The following SMTN variants were observed in gnomAD, a reference collection of about 807,000 sequenced individuals.
The protein encoded by SMTN is smoothelin.
SMTN carries 58 observed loss-of-function variants against 102.0 expected under a neutral mutation model. The observed-to-expected ratio is 0.57, with a 90% CI of 0.46 to 0.71. SMTN has a LOEUF of 0.71. Among genes scored for constraint, SMTN ranks in the 30% least tolerant of loss-of-function variants. The pLI is 0.00. For missense variants in SMTN, 1,185 were observed against 1,241.7 expected, an observed-to-expected ratio of 0.95 and a Z score of 0.69; for synonymous variants, 478 against 497.9, an observed-to-expected ratio of 0.96 and a Z score of 0.53.
intron 2 of SMTN, among the ~76,000 whole-genome samples, chr22:31,085,459 G>T (rs2042625244): frequency 6.6e-6 from 1 of 152,238 alleles, no homozygotes; most frequent in African/African-American, 2.4e-5. Context: ...CTGTTGGGGA[G>T]ACTGAGGCCC....
chr22:31,102,076 C>A (rs2044138446), intron 20 of SMTN: 1 of 152,114 alleles, frequency 6.6e-6, no homozygotes, highest in Non-Finnish European at 1.5e-5. Flanking sequence ...AGCTCAGGAG[C>A]AGGACCAGTT....
chr22:31,081,201 A>C (rs2042283694), upstream of SMTN: 1 of 151,858 alleles, frequency 6.6e-6, no homozygotes, highest in Non-Finnish European at 1.5e-5. Flanking sequence ...GTGGCCGTCA[A>C]ATTGAATTTT....
intron 2 of SMTN, among the ~76,000 whole-genome samples, chr22:31,084,402 C>T (rs2042522872): frequency 6.6e-6 from 1 of 152,240 alleles, no homozygotes; most frequent in Non-Finnish European, 1.5e-5. Flanking sequence ...CAGCTGCTGC[C>T]ATGACCTCCC....
At chr22:31,101,443 G>T (rs1430357718) in intron 20 of SMTN, 9 of 170,290 alleles carry the variant, frequency 5.3e-5, no homozygotes, top group Non-Finnish European at 1.1e-4. Context: ...ACATCAGGAA[G>T]GGAAGAAACT....
Position 31,088,028 on chromosome 22 carries a change from C to G in SMTN, c.115C>G (p.Arg39Gly). 1 of 1,611,946 alleles carries G rather than the reference C, an allele frequency of 6.2e-7. No homozygotes were observed. Among genetic ancestry groups the G allele is most frequent in the Non-Finnish European group, 8.5e-7 (1 of 1,178,832 alleles). ...CCGCTCAGCCATCCGGGAACTGCAG[C>G]GGCAGGAGCTGGAGCGCGAGGAGGA... ...RIRSAIRELQ[R>G]QELEREEEAL... The change falls in exon 3 of 21, where the codon CGG becomes GGG. Residue 39 changes from arginine to glycine, a missense_variant. Transcript: ENST00000333137.
Position 31,083,279 on chromosome 22 carries a change from T to C in SMTN, c.21T>C (p.Ala7=). Residue 7 remains alanine (A), a synonymous_variant, in exon 2 of 21, where the codon GCT becomes GCC. Transcript: ENST00000333137. MADEAL[A]GLDEGALRKL... Reference sequence around the variant, plus strand: ...GCGAGATGGCGGACGAGGCCTTAGCTGGGCTGGATGAGGGAGCCCTTCGGA... The same window carrying C: ...GCGAGATGGCGGACGAGGCCTTAGCCGGGCTGGATGAGGGAGCCCTTCGGA... 6.3e-7 allele frequency: 1 copy of C among 1,590,992 alleles called. No homozygotes were observed. The highest frequency in any genetic ancestry group is 8.5e-7 in the Non-Finnish European group (1 of 1,171,254).
At chr22:31,081,691 G>A (rs2042319971) in intron 1 of SMTN, among the ~76,000 whole-genome samples, 1 of 152,254 alleles carries the variant, frequency 6.6e-6, no homozygotes, top group Admixed American at 6.5e-5. Context: ...CCCTGGGGAA[G>A]CTGCCACAGA....
upstream of SMTN, among the ~76,000 whole-genome samples, chr22:31,080,938 G>A (rs115382628): frequency 1.3e-5 from 2 of 152,150 alleles, no homozygotes; most frequent in Non-Finnish European, 2.9e-5. Context: ...GCGAGAAAGG[G>A]GTGGAGTCGA....
chr22:31,092,242 GC>G (rs1464633016), intron 11 of SMTN, among the ~76,000 whole-genome samples: 1 of 152,170 alleles, frequency 6.6e-6, no homozygotes, highest in African/African-American at 2.4e-5. Flanking sequence ...CTGGACATCA[GC>G]CCCGAGGTAT....
At position 31,104,585 on chromosome 22, in the gene SMTN, TACAC is replaced by T. The variant is rs2044348942; in HGVS notation, c.*293_*296del. ...CTGTTGCGACACCCTCCCCCCCACA[TACAC>T]ACGCAGCGTTTTGATAAATTATTGG... On this transcript the variant is annotated 3_prime_UTR_variant, in exon 21 of 21. Coordinates refer to ENST00000333137, the MANE Select transcript of SMTN (RefSeq NM_134269.3). 4.2e-6 allele frequency: 4 copies of T among 956,334 alleles called. No homozygotes were observed. The highest frequency in any genetic ancestry group is 6.4e-6 in the Non-Finnish European group (4 of 621,166). 59.2% of individuals were successfully genotyped at this position (956,334 alleles called of 1,614,324 possible).
chr22:31,076,313 T>C (rs9621179), intron 1 of SMTN, among the ~76,000 whole-genome samples: 43,752 of 152,118 alleles, frequency 0.29, 7,936 homozygotes, highest in African/African-American at 0.52. Flanking sequence ...GGACACTGCG[T>C]GCCTTCAGAA....
Position 31,097,017 on chromosome 22 carries a change from C to T in SMTN, c.2046C>T (p.Ala682=). The part of the protein sequence containing the change: ...LVHSNDGTRT[A]RTTTVESSFV... ...CTGCAGATGATGGCACACGGACGGC[C>T]CGCACCACCACAGTGGAGTCGAGTT... is the stretch of plus-strand genomic sequence containing the variant. Residue 682 remains alanine (A), a synonymous_variant, in exon 15 of 21, where the codon GCC becomes GCT. Coordinates refer to ENST00000333137, the MANE Select transcript of SMTN (RefSeq NM_134269.3). 1.2e-6 allele frequency: 2 copies of T among 1,614,184 alleles called. No individual in the cohort carries two copies. Among genetic ancestry groups the T allele is most frequent in the Non-Finnish European group, 1.7e-6 (2 of 1,180,030 alleles).
chr22:31,079,491 T>C (rs2042211215), upstream of SMTN, among the ~76,000 whole-genome samples: 1 of 152,226 alleles, frequency 6.6e-6, no homozygotes. Flanking sequence ...AAGCAGGCCA[T>C]TCATTGGAGC....
chr22:31,094,314 G>A (rs1012950597), intron 11 of SMTN, among the ~76,000 whole-genome samples: 10 of 152,242 alleles, frequency 6.6e-5, no homozygotes, highest in African/African-American at 1.2e-4. Flanking sequence ...CAGCAGGGGC[G>A]AGGCAGGGGG....
chr22:31,100,343 C>T (rs188664938), intron 19 of SMTN, among the ~76,000 whole-genome samples: 1 of 152,292 alleles, frequency 6.6e-6, no homozygotes, highest in East Asian at 1.9e-4. Context: ...TATAGGACCT[C>T]AGCAAGCCCT....
intron 2 of SMTN, chr22:31,085,238 G>T: frequency 6.5e-7 from 1 of 1,532,168 alleles, no homozygotes; most frequent in Non-Finnish European, 8.7e-7. Context: ...TGAAGCAGGC[G>T]GTAGCGGGTG....
At position 31,096,756 on chromosome 22, in the gene SMTN, C is replaced by T. The variant is rs763600151; in HGVS notation, c.1885C>T (p.Arg629Trp). The T allele has an allele frequency of 1.6e-5, 25 of 1,553,542 alleles. No homozygotes were observed. The East Asian group carries it at 1.8e-4, about 11-fold the overall frequency. ...KRDQRDKERE[R>W]RLQEARGRPG... is the part of the protein sequence containing the mutation. The stretch of plus-strand genomic sequence containing the variant: ...AGACCAGCGGGACAAGGAGCGGGAA[C>T]GGCGGCTGCAGGAGGCACGGGGCCG... The change falls in exon 14 of 21, where the codon CGG becomes TGG. Residue 629 changes from arginine (R) to tryptophan (W), a missense_variant. By Grantham distance (101) the Arg-to-Trp change is moderately radical. This residue lies in a region of SMTN where 1,096 missense variants were observed against 1,112.7 expected (regional missense o/e 0.98). Transcript: ENST00000333137.
chr22:31,104,330 G>A lies in SMTN; in HGVS notation c.*35G>A, dbSNP rs766136807. Reference sequence around the variant, plus strand: ...CCTCCCTGCAGGATGCTGGTGGACTGTGTGCCCCTGGTGGAGGTGGACGAC... The same window carrying A: ...CCTCCCTGCAGGATGCTGGTGGACTATGTGCCCCTGGTGGAGGTGGACGAC... On this transcript the variant is annotated 3_prime_UTR_variant, in exon 21 of 21. Coordinates refer to ENST00000333137, the MANE Select transcript of SMTN (RefSeq NM_134269.3). 6.2e-7 allele frequency: 1 copy of A among 1,614,090 alleles called. No homozygotes were observed.
intron 18 of SMTN, chr22:31,099,540 C>G (rs1421999076): frequency 1.6e-6 from 1 of 611,372 alleles, no homozygotes. Flanking sequence ...CTGGGCCTCT[C>G]AGTAGCTCTG....
Sources: gnomAD v4.1 joint callset for allele counts (sites outside exome capture counted in the v4.1 genomes callset) on GRCh38, gnomAD v4.1.1 for gene constraint, gnomAD v4.1.1 regional missense constraint, MANE v1.5 for transcripts, NCBI Gene and HGNC (gene_info 2026-07-23, HGNC 2026-07-21) for gene names.